The following NEBL variants were observed in gnomAD, a reference collection of about 807,000 sequenced individuals.
The protein encoded by NEBL is nebulette.
In NEBL, 122 loss-of-function variants were observed where a neutral mutation model predicts 140.2. The observed-to-expected ratio is 0.87, with a 90% CI of 0.75 to 1.01. NEBL has a LOEUF of 1.01. Among genes scored for constraint, NEBL ranks in the 50% least tolerant of loss-of-function variants. NEBL has a pLI of 0.00. For synonymous variants in NEBL, 436 were observed against 398.9 expected (o/e 1.09, Z -1.11); for missense variants, 1,365 against 1,231.3 (o/e 1.11, Z -1.62).
At chr10:20,952,273 C>T (rs1835512506) in intron 4 of NEBL, among the ~76,000 whole-genome samples, 1 of 151,896 alleles carries the variant, frequency 6.6e-6, no homozygotes, top group Non-Finnish European at 1.5e-5. Flanking sequence ...CCCGTCTCTA[C>T]TAAAAATATA....
chr10:21,073,694 GA>G (rs936641755), intron 2 of NEBL, among the ~76,000 whole-genome samples: 1 of 148,932 alleles, frequency 6.7e-6, no homozygotes, highest in Non-Finnish European at 1.5e-5. Flanking sequence ...TACTCCCAAA[GA>G]AAAACAAATC....
At chr10:20,889,806 G>C (rs1410220048) in intron 3 of NEBL, 39 bp downstream of exon 3, 1 of 1,242,194 alleles carries the variant, frequency 8.1e-7, no homozygotes, top group Non-Finnish European at 1.2e-6. Context: ...ATAAGAAAAA[G>C]ATAAATGCAA....
At chr10:20,931,277 A>C (rs1364050549) in intron 4 of NEBL, among the ~76,000 whole-genome samples, 1 of 152,192 alleles carries the variant, frequency 6.6e-6, no homozygotes, top group Non-Finnish European at 1.5e-5. Context: ...TTTAAAAAAA[A>C]ATCTTTGGCA....
chr10:20,982,765 CATTTTAAT>C (rs942771785), intron 3 of NEBL, among the ~76,000 whole-genome samples: 7 of 152,142 alleles, frequency 4.6e-5, no homozygotes, highest in African/African-American at 1.7e-4. Flanking sequence ...TTTTTCCAGT[CATTTTAAT>C]ATTTTATTTT....
At chr10:20,863,441 G>A (rs577301005) in intron 7 of NEBL, among the ~76,000 whole-genome samples, 38 of 152,162 alleles carry the variant, frequency 2.5e-4, no homozygotes, top group African/African-American at 7.9e-4. Flanking sequence ...ACAATACTAC[G>A]TATCTATAGA....
At chr10:20,925,477 T>A (rs979104917) in intron 4 of NEBL, among the ~76,000 whole-genome samples, 1 of 152,166 alleles carries the variant, frequency 6.6e-6, no homozygotes, top group African/African-American at 2.4e-5. Flanking sequence ...TGACTGGTTC[T>A]ACTCTGTCCT....
intron 26 of NEBL, among the ~76,000 whole-genome samples, chr10:20,799,924 CGTGTGT>C (rs145863273): frequency 2.7e-5 from 4 of 149,504 alleles, no homozygotes; most frequent in African/African-American, 9.8e-5. Context: ...CCATCTGGCA[CGTGTGT>C]GTGTGTGTGT....
chr10:20,870,252 A>C (rs1056430722), intron 5 of NEBL, among the ~76,000 whole-genome samples: 2 of 149,180 alleles, frequency 1.3e-5, no homozygotes, highest in Non-Finnish European at 3.0e-5. Flanking sequence ...CTCAAACCCG[A>C]GAGGCAGAGG....
At chr10:21,029,706 G>T (rs1589152424) in intron 2 of NEBL, 1 of 930,890 alleles carries the variant, frequency 1.1e-6, no homozygotes. Context: ...CTGGCCGTGG[G>T]TATTGGTATG....
chr10:20,874,562 T>C (rs1845296685), intron 5 of NEBL, among the ~76,000 whole-genome samples: 1 of 152,020 alleles, frequency 6.6e-6, no homozygotes, highest in South Asian at 2.1e-4. Context: ...AGCCCAAAGA[T>C]GGGAAGAGAG....
intron 2 of NEBL, among the ~76,000 whole-genome samples, chr10:21,059,414 A>G (rs1335263947): frequency 1.3e-5 from 2 of 152,206 alleles, no homozygotes; most frequent in Non-Finnish European, 1.5e-5. Context: ...CTCATTCCAA[A>G]TTTCCTTAGA....
chr10:21,043,780 T>A (rs988792405), intron 2 of NEBL, among the ~76,000 whole-genome samples: 2 of 151,304 alleles, frequency 1.3e-5, no homozygotes, highest in Admixed American at 6.5e-5. Context: ...CAAATAATAA[T>A]CATGTTATAT....
chr10:21,264,698 A>T (rs1842778194), intron 1 of NEBL, among the ~76,000 whole-genome samples: 1 of 40,942 alleles, frequency 2.4e-5, no homozygotes. Flanking sequence ...TTGCTATTTA[A>T]AAAAAAAAAA....
intron 4 of NEBL, among the ~76,000 whole-genome samples, chr10:20,961,230 T>C (rs532617716): frequency 9.4e-4 from 143 of 152,294 alleles, no homozygotes; most frequent in African/African-American, 3.2e-3. Context: ...TAAATGTTTA[T>C]TTCAAAAGTA....
intron 2 of NEBL, among the ~76,000 whole-genome samples, chr10:21,146,720 TAAAA>T (rs143998663): frequency 6.6e-6 from 1 of 152,168 alleles, no homozygotes; most frequent in Non-Finnish European, 1.5e-5. Context: ...CCTGGTAAAG[TAAAA>T]ATTTTTTTTA....
In NEBL at chr10:20,823,110, G is replaced by T. The variant is rs1220041326; in HGVS notation, c.1962+98C>A. On this transcript the variant is annotated intron_variant, in intron 19 of 27. Transcript: ENST00000377122. ...AAGGAACCGATCCTCTCGCAATGAG[G>T]TTCATTGTGATGGCATTTGACCTGT... is the stretch of plus-strand genomic sequence containing the variant. The T allele has an allele frequency of 3.4e-6, 3 of 880,406 alleles. No individual in the cohort carries two copies. In the Admixed American group the frequency reaches 6.2e-5, roughly 18 times the overall value. The allele number at this position is 880,406 out of a possible 1,614,324, so 54.5% of individuals were successfully genotyped here.
chr10:21,080,333 A>C (rs1836307261), intron 2 of NEBL, among the ~76,000 whole-genome samples: 1 of 152,222 alleles, frequency 6.6e-6, no homozygotes, highest in South Asian at 2.1e-4. Flanking sequence ...CATTCCGTGC[A>C]TGAGACATAT....
chr10:20,900,778 T>C (rs1313947803), upstream of NEBL, among the ~76,000 whole-genome samples: 2 of 144,508 alleles, frequency 1.4e-5, no homozygotes, highest in African/African-American at 5.1e-5. Context: ...TTGGGAGGCG[T>C]AGGTTGCAGT....
At chr10:21,007,062 G>A (rs989459933) in intron 3 of NEBL, among the ~76,000 whole-genome samples, 2 of 152,002 alleles carry the variant, frequency 1.3e-5, no homozygotes, top group East Asian at 3.9e-4. Context: ...TTCAAAGAAA[G>A]GATAAACATT....
Sources: allele counts gnomAD v4.1 joint callset (sites outside exome capture counted in the v4.1 genomes callset), GRCh38; gene constraint gnomAD v4.1.1; transcripts MANE v1.5; gene names NCBI Gene and HGNC (gene_info 2026-07-23, HGNC 2026-07-21).